Variants in CSMD1 observed in about 807,000 individuals in gnomAD.
CSMD1 encodes the protein CUB and Sushi multiple domains 1.
In CSMD1, 213 loss-of-function variants were observed where a neutral mutation model predicts 417.5. The ratio of observed to expected loss-of-function variants is 0.51; its 90% CI spans 0.46 to 0.57. The LOEUF (loss-of-function observed/expected upper bound fraction) is 0.57. Among genes scored for constraint, CSMD1 ranks in the 20% least tolerant of loss-of-function variants. The pLI is 0.00. For synonymous variants in CSMD1, 2,862 were observed against 1,736.8 expected, an observed-to-expected ratio of 1.65 and a Z score of -16.11; for missense variants, 6,923 against 4,529.7, an observed-to-expected ratio of 1.53 and a Z score of -15.17.
intron 1 of CSMD1, among the ~76,000 whole-genome samples, chr8:4,710,206 C>A (rs553067994): frequency 1.3e-3 from 201 of 151,916 alleles, no homozygotes; most frequent in African/African-American, 4.6e-3. Flanking sequence ...AATATATATA[C>A]GTATCTTCAG....
chr8:4,224,157 C>A (rs1202862158), intron 3 of CSMD1, among the ~76,000 whole-genome samples: 1 of 152,200 alleles, frequency 6.6e-6, no homozygotes. Flanking sequence ...TCGCTTACTA[C>A]ACATAATCAC....
At chr8:4,068,857 C>A (rs898556120) in intron 3 of CSMD1, among the ~76,000 whole-genome samples, 3 of 152,034 alleles carry the variant, frequency 2.0e-5, no homozygotes, top group Admixed American at 6.6e-5. Context: ...TGCAGCTCCA[C>A]CATCTAGTTA....
At chr8:4,117,807 T>C (rs1802244178) in intron 3 of CSMD1, among the ~76,000 whole-genome samples, 1 of 152,090 alleles carries the variant, frequency 6.6e-6, no homozygotes, top group South Asian at 2.1e-4. Flanking sequence ...GAACGTATCC[T>C]AGAGGACACC....
intron 5 of CSMD1, among the ~76,000 whole-genome samples, chr8:3,901,003 CATAGTGTT>C (rs933574562): frequency 1.9e-4 from 29 of 152,276 alleles, no homozygotes; most frequent in African/African-American, 6.7e-4. Flanking sequence ...TGCTAGCTGT[CATAGTGTT>C]ATCATTATTG....
intron 10 of CSMD1, among the ~76,000 whole-genome samples, chr8:3,561,217 C>A (rs1445558018): frequency 1.3e-5 from 2 of 152,140 alleles, no homozygotes; most frequent in African/African-American, 2.4e-5. Flanking sequence ...CTATGGAAAA[C>A]AGTATGGAAG....
intron 1 of CSMD1, among the ~76,000 whole-genome samples, chr8:4,825,937 C>A (rs574793048): frequency 5.3e-5 from 8 of 152,014 alleles, no homozygotes; most frequent in Non-Finnish European, 7.4e-5. Flanking sequence ...AAACAGGCAG[C>A]TATCACCTTA....
At chr8:3,796,491 GTATAGA>G (rs1800154964) in intron 5 of CSMD1, among the ~76,000 whole-genome samples, 2 of 140,510 alleles carry the variant, frequency 1.4e-5, no homozygotes, top group Admixed American at 7.3e-5. Context: ...TATCTATCAT[GTATAGA>G]TATAGATATA....
intron 1 of CSMD1, among the ~76,000 whole-genome samples, chr8:4,838,043 G>A (rs1426980739): frequency 6.6e-6 from 1 of 152,190 alleles, no homozygotes; most frequent in South Asian, 2.1e-4. Flanking sequence ...AGGCAAGGCA[G>A]TGTGAATGGG....
intron 41 of CSMD1, among the ~76,000 whole-genome samples, chr8:3,123,454 A>C (rs7837404): frequency 6.6e-6 from 1 of 152,070 alleles, no homozygotes; most frequent in Non-Finnish European, 1.5e-5. Flanking sequence ...TTCCACACTG[A>C]GTTTCAACTA....
chr8:4,728,728 G>T (rs570024708), intron 1 of CSMD1, among the ~76,000 whole-genome samples: 1 of 152,026 alleles, frequency 6.6e-6, no homozygotes, highest in South Asian at 2.1e-4. Context: ...TATTTCAGTA[G>T]ATGCTCAATT....
chr8:4,674,984 G>C (rs573821579), intron 1 of CSMD1, among the ~76,000 whole-genome samples: 2 of 152,246 alleles, frequency 1.3e-5, no homozygotes, highest in East Asian at 3.9e-4. Context: ...GGAGGCAGCT[G>C]TCTCCAAACC....
At chr8:3,271,513 C>T (rs1163854070) in intron 26 of CSMD1, among the ~76,000 whole-genome samples, 2 of 147,546 alleles carry the variant, frequency 1.4e-5, no homozygotes, top group Non-Finnish European at 3.0e-5. Flanking sequence ...CACTGACTTC[C>T]ACAATGGTTG....
chr8:4,361,927 G>A (rs976789049), intron 3 of CSMD1, among the ~76,000 whole-genome samples: 2 of 151,914 alleles, frequency 1.3e-5, no homozygotes, highest in African/African-American at 2.4e-5. Flanking sequence ...TGCACGCCAA[G>A]GCCCTCCAGC....
chr8:3,827,461 C>G (rs1802120017), intron 5 of CSMD1, among the ~76,000 whole-genome samples: 1 of 152,062 alleles, frequency 6.6e-6, no homozygotes, highest in Admixed American at 6.6e-5. Context: ...TAGTGCAAAA[C>G]CTGTGTGGTC....
chr8:3,930,474 C>T (rs554865567), intron 5 of CSMD1, among the ~76,000 whole-genome samples: 1 of 150,612 alleles, frequency 6.6e-6, no homozygotes, highest in African/African-American at 2.5e-5. Context: ...ACCTTTCTCA[C>T]CATTCCACAA....
intron 5 of CSMD1, among the ~76,000 whole-genome samples, chr8:3,952,532 G>C (rs1811660595): frequency 6.6e-6 from 1 of 152,092 alleles, no homozygotes; most frequent in South Asian, 2.1e-4. Flanking sequence ...TTCAGGTTTG[G>C]AAAATTTTTT....
intron 54 of CSMD1, among the ~76,000 whole-genome samples, chr8:2,982,697 T>C (rs1182934843): frequency 6.6e-6 from 1 of 152,216 alleles, no homozygotes; most frequent in Non-Finnish European, 1.5e-5. Flanking sequence ...CTAACCAGTG[T>C]TTCCCTTTTA....
At chr8:3,451,263 G>A (rs1274141990) in intron 12 of CSMD1, among the ~76,000 whole-genome samples, 1 of 152,164 alleles carries the variant, frequency 6.6e-6, no homozygotes, top group Admixed American at 6.5e-5. Flanking sequence ...CACTCTGTAG[G>A]ATGCCTGTTC....
chr8:4,800,428 G>A (rs1479997353), intron 1 of CSMD1, among the ~76,000 whole-genome samples: 3 of 129,088 alleles, frequency 2.3e-5, no homozygotes, highest in African/African-American at 6.0e-5. Context: ...ACAAGAGCAA[G>A]ACTTCATCTC....
Sources: gnomAD v4.1 joint callset for allele counts (sites outside exome capture counted in the v4.1 genomes callset) on GRCh38, gnomAD v4.1.1 for gene constraint, MANE v1.5 for transcripts, NCBI Gene and HGNC (gene_info 2026-07-23, HGNC 2026-07-21) for gene names.